The following AUH variants were observed in gnomAD, a reference collection of about 807,000 sequenced individuals.
AUH encodes methylglutaconyl-CoA hydratase, mitochondrial.
A neutral mutation model predicts 42.3 loss-of-function variants in AUH; 29 were observed. The observed-to-expected ratio is 0.69, with a 90% confidence interval of 0.51 to 0.93. The LOEUF (loss-of-function observed/expected upper bound fraction) is 0.93, where lower values mean the gene tolerates loss of function less well. Among genes scored for constraint, AUH ranks in the 40% least tolerant of loss-of-function variants. The pLI is 0.00. For missense variants in AUH, 452 were observed against 438.1 expected (o/e 1.03, Z -0.28); for synonymous variants, 174 against 166.4 (o/e 1.05, Z -0.35).
At chr9:91,360,636 G>T (rs1248039743) in intron 1 of AUH, among the ~76,000 whole-genome samples, 1 of 152,160 alleles carries the variant, frequency 6.6e-6, no homozygotes, top group African/African-American at 2.4e-5. Context: ...GCCTATTAAA[G>T]AATGCCTTGG....
chr9:91,339,254 C>T (rs1830921672), intron 3 of AUH, among the ~76,000 whole-genome samples: 1 of 152,198 alleles, frequency 6.6e-6, no homozygotes, highest in African/African-American at 2.4e-5. Flanking sequence ...ACAATTTCTA[C>T]TGAATGCGTA....
intron 6 of AUH, among the ~76,000 whole-genome samples, chr9:91,225,487 AT>A (rs1478450248): frequency 6.6e-6 from 1 of 152,218 alleles, no homozygotes. Flanking sequence ...AGATGATATA[AT>A]CTGCTAGTTC....
intron 6 of AUH, among the ~76,000 whole-genome samples, chr9:91,225,561 T>C (rs1318189023): frequency 6.6e-6 from 1 of 152,024 alleles, no homozygotes; most frequent in Non-Finnish European, 1.5e-5. Flanking sequence ...ATTATTATTA[T>C]TATACTTTAA....
chr9:91,217,290 T>C lies in AUH; in HGVS notation c.881A>G (p.Asn294Ser), dbSNP rs1049752683. 5 of 1,613,786 alleles carry C rather than the reference T, an allele frequency of 3.1e-6. No homozygotes were observed. In the African/African-American group the frequency reaches 5.3e-5, roughly 17 times the overall value. Reference protein sequence around the residue: ...VAMRVAKLAINQGMEVDLVTG... With the variant: ...VAMRVAKLAISQGMEVDLVTG... ...TAAGGAACCTACCTCCATCCCTTGA[T>C]TAATTGCTAATTTTGCCACTCTCAT... is the stretch of plus-strand genomic sequence containing the variant. The change falls in exon 8 of 10, where the codon AAT (asparagine) becomes AGT (serine). Residue 294 changes from asparagine (N) to serine (S), a missense_variant. By Grantham distance (46) the Asn-to-Ser change is conservative. Transcript: ENST00000375731.
At chr9:91,359,289 C>T (rs1832672938) in intron 1 of AUH, among the ~76,000 whole-genome samples, 1 of 152,148 alleles carries the variant, frequency 6.6e-6, no homozygotes, top group Admixed American at 6.5e-5. Context: ...CATTCCCTTC[C>T]CCAGAAGAAG....
chr9:91,266,189 C>T (rs566998154), intron 6 of AUH, among the ~76,000 whole-genome samples: 72 of 151,952 alleles, frequency 4.7e-4, no homozygotes, highest in South Asian at 8.3e-4. Flanking sequence ...GGTGAAAAGC[C>T]GCCTCTACTA....
chr9:91,284,103 A>G (rs907693146), intron 6 of AUH, among the ~76,000 whole-genome samples: 8 of 152,200 alleles, frequency 5.3e-5, no homozygotes, highest in Non-Finnish European at 1.2e-4. Context: ...TGGTACTGGT[A>G]CCAAAACAGA....
Position 91,337,533 on chromosome 9 carries a change from G to A in AUH, c.419-12129C>T, listed in dbSNP as rs542186741. ...CAATTGAAGGGCTCCAGCTTGGATTGCAGCAGAGTATTCTCTTTCTTTCAA... is the reference window on the plus strand; with the variant it reads ...CAATTGAAGGGCTCCAGCTTGGATTACAGCAGAGTATTCTCTTTCTTTCAA... On this transcript the variant is annotated intron_variant, in intron 3 of 9. Coordinates refer to ENST00000375731, the MANE Select transcript of AUH (RefSeq NM_001698.3). Among the ~76,000 whole-genome samples, 34 of 152,288 alleles carry A rather than the reference G, an allele frequency of 2.2e-4. No homozygotes were observed. The South Asian group carries it at 6.2e-3, about 28-fold the overall frequency.
chr9:91,340,380 T>C (rs1454913766), intron 3 of AUH, among the ~76,000 whole-genome samples: 1 of 152,246 alleles, frequency 6.6e-6, no homozygotes, highest in Non-Finnish European at 1.5e-5. Context: ...TATCCATTAA[T>C]ATAAAATTTA....
chr9:91,288,747 T>C (rs1472854571), intron 6 of AUH, among the ~76,000 whole-genome samples: 1 of 152,164 alleles, frequency 6.6e-6, no homozygotes, highest in Non-Finnish European at 1.5e-5. Flanking sequence ...TTTCTTTTTA[T>C]TGCACTATAT....
At chr9:91,260,095 T>C (rs74753674) in intron 6 of AUH, among the ~76,000 whole-genome samples, 1 of 152,164 alleles carries the variant, frequency 6.6e-6, no homozygotes, top group Non-Finnish European at 1.5e-5. Flanking sequence ...CCCTTCTTTA[T>C]CTTAGGTAAT....
intron 4 of AUH, among the ~76,000 whole-genome samples, chr9:91,312,489 AG>A (rs1828774632): frequency 6.6e-6 from 1 of 152,210 alleles, no homozygotes; most frequent in Admixed American, 6.5e-5. Flanking sequence ...GCACTTTAGG[AG>A]GCCAAGGTGG....
chr9:91,289,096 T>C (rs1386730593), intron 6 of AUH, among the ~76,000 whole-genome samples: 1 of 152,214 alleles, frequency 6.6e-6, no homozygotes, highest in Non-Finnish European at 1.5e-5. Context: ...CTCTTGTCTT[T>C]ATCAAATGTA....
chr9:91,287,802 C>T (rs1011445940), intron 6 of AUH, among the ~76,000 whole-genome samples: 2 of 151,926 alleles, frequency 1.3e-5, no homozygotes, highest in African/African-American at 4.8e-5. Context: ...AATAATATTA[C>T]TAAATTCCTG....
intron 6 of AUH, among the ~76,000 whole-genome samples, chr9:91,253,852 T>C (rs934606190): frequency 4.6e-5 from 7 of 152,230 alleles, no homozygotes; most frequent in African/African-American, 1.7e-4. Context: ...TACAAGTAAT[T>C]CTTCTGCATA....
At chr9:91,278,541 G>A (rs1459532611) in intron 6 of AUH, among the ~76,000 whole-genome samples, 1 of 152,180 alleles carries the variant, frequency 6.6e-6, no homozygotes, top group Non-Finnish European at 1.5e-5. Flanking sequence ...TCACCTTTGT[G>A]GGTAACAAAT....
At chr9:91,350,971 T>A (rs1343222744) in intron 3 of AUH, among the ~76,000 whole-genome samples, 3 of 151,966 alleles carry the variant, frequency 2.0e-5, no homozygotes, top group Non-Finnish European at 4.4e-5. Context: ...TAATCCATGA[T>A]CTTTTTTTTT....
At chr9:91,324,564 A>T (rs974938177) in intron 4 of AUH, among the ~76,000 whole-genome samples, 9 of 142,934 alleles carry the variant, frequency 6.3e-5, no homozygotes, top group Admixed American at 3.4e-4. Flanking sequence ...AAAAAAAGAA[A>T]GCCAAATCTC....
At chr9:91,245,845 C>T (rs1396202491) in intron 6 of AUH, among the ~76,000 whole-genome samples, 2 of 152,116 alleles carry the variant, frequency 1.3e-5, no homozygotes, top group Non-Finnish European at 2.9e-5. Flanking sequence ...AGGGAGTGCA[C>T]CTTTGACCCC....
Sources: allele counts gnomAD v4.1 joint callset (sites outside exome capture counted in the v4.1 genomes callset), GRCh38; gene constraint gnomAD v4.1.1; transcripts MANE v1.5; gene names NCBI Gene and HGNC (gene_info 2026-07-23, HGNC 2026-07-21).